Variants in STX8 observed in about 807,000 individuals in gnomAD.
STX8 encodes the protein syntaxin 8.
A neutral mutation model predicts 37.5 loss-of-function variants in STX8; 23 were observed. The observed-to-expected ratio is 0.61, with a 90% CI of 0.44 to 0.87. The LOEUF is 0.87. Among genes scored for constraint, STX8 ranks in the 40% least tolerant of loss-of-function variants. The probability of loss-of-function intolerance (pLI) is 0.00; values close to 1 mark genes in which losing one functional copy is unlikely to be tolerated. For synonymous variants in STX8, 115 were observed against 99.1 expected, an observed-to-expected ratio of 1.16 and a Z score of -0.95; for missense variants, 313 against 284.7, an observed-to-expected ratio of 1.10 and a Z score of -0.71.
At chr17:9,348,007 G>GGT (rs1041155610) in intron 7 of STX8, among the ~76,000 whole-genome samples, 4 of 152,080 alleles carry the variant, frequency 2.6e-5, no homozygotes, top group African/African-American at 7.2e-5. Context: ...TCCATTGTAT[G>GGT]GTGTGTGTGA....
chr17:9,561,256 A>C (rs908518009), intron 2 of STX8, among the ~76,000 whole-genome samples: 1 of 152,236 alleles, frequency 6.6e-6, no homozygotes, highest in Non-Finnish European at 1.5e-5. Context: ...AAACCGGTAC[A>C]TGTTTTACAA....
intron 6 of STX8, among the ~76,000 whole-genome samples, chr17:9,485,114 C>A (rs1407573928): frequency 8.1e-6 from 1 of 123,974 alleles, no homozygotes; most frequent in South Asian, 3.3e-4. Flanking sequence ...CATGCCAAGA[C>A]CTTGTCGCTT....
At chr17:9,338,202 C>T (rs923346822) in intron 7 of STX8, among the ~76,000 whole-genome samples, 8 of 151,860 alleles carry the variant, frequency 5.3e-5, no homozygotes, top group South Asian at 4.2e-4. Flanking sequence ...TACAGGTGCC[C>T]GCCACCACGC....
chr17:9,316,127 G>C (rs1006303663), intron 7 of STX8, among the ~76,000 whole-genome samples: 3 of 152,102 alleles, frequency 2.0e-5, no homozygotes, highest in South Asian at 2.1e-4. Flanking sequence ...CAAAGGACAC[G>C]TGATGACTTG....
chr17:9,473,160 G>A (rs905447722), intron 6 of STX8, among the ~76,000 whole-genome samples: 1 of 151,896 alleles, frequency 6.6e-6, no homozygotes, highest in African/African-American at 2.4e-5. Context: ...GGGACTACAG[G>A]TGCCCACCAC....
intron 7 of STX8, among the ~76,000 whole-genome samples, chr17:9,277,038 CTT>C (rs1040005797): frequency 6.6e-6 from 1 of 151,964 alleles, no homozygotes; most frequent in African/African-American, 2.4e-5. Context: ...ACCTTGAACT[CTT>C]GGGCTCAAAC....
At chr17:9,371,742 G>T (rs1232602612) in intron 7 of STX8, among the ~76,000 whole-genome samples, 2 of 151,226 alleles carry the variant, frequency 1.3e-5, no homozygotes, top group Non-Finnish European at 2.9e-5. Flanking sequence ...GTTATTTCTA[G>T]AAGTTCTATC....
Position 9,270,851 on chromosome 17 carries a change from T to A in STX8, c.644-20206A>T, listed in dbSNP as rs1907431136. On this transcript the variant is annotated intron_variant, in intron 7 of 7. Transcript: ENST00000306357. ...AATTCTAGGAGAATATGTTCTGTAT[T>A]TACTTTGCAATTAAATGAACAGAGT... 2.0e-5 allele frequency among the ~76,000 whole-genome samples: 3 copies of A among 152,236 alleles called. No homozygotes were observed. The South Asian group carries it at 6.2e-4, about 32-fold the overall frequency.
intron 7 of STX8, among the ~76,000 whole-genome samples, chr17:9,299,331 G>GT (rs1908680135): frequency 6.6e-6 from 1 of 151,720 alleles, no homozygotes; most frequent in Non-Finnish European, 1.5e-5. Context: ...GCCTTACTGT[G>GT]TCTGCATGTC....
At chr17:9,451,700 G>T (rs1329220524) in intron 6 of STX8, among the ~76,000 whole-genome samples, 3 of 151,912 alleles carry the variant, frequency 2.0e-5, no homozygotes, top group Non-Finnish European at 4.4e-5. Flanking sequence ...CAAGTTGCTA[G>T]ATTTTTCCAA....
chr17:9,350,950 T>G (rs899690065), intron 7 of STX8, among the ~76,000 whole-genome samples: 3 of 152,282 alleles, frequency 2.0e-5, no homozygotes, highest in Middle Eastern at 3.4e-3. Context: ...TTAGACATAT[T>G]AAAAATATTA....
chr17:9,464,853 G>C (rs1283034723), intron 6 of STX8: 1 of 151,802 alleles, frequency 6.6e-6, no homozygotes, highest in Non-Finnish European at 1.5e-5. Flanking sequence ...CTCCCGAGTA[G>C]CTGGGATTAC....
intron 4 of STX8, among the ~76,000 whole-genome samples, chr17:9,531,837 T>C (rs1905831284): frequency 1.3e-5 from 2 of 152,154 alleles, no homozygotes; most frequent in African/African-American, 4.8e-5. Context: ...TTTTTTAAAG[T>C]ACTATGACAG....
At chr17:9,456,068 G>A (rs1010166762) in intron 6 of STX8, among the ~76,000 whole-genome samples, 3 of 152,122 alleles carry the variant, frequency 2.0e-5, no homozygotes, top group Non-Finnish European at 4.4e-5. Flanking sequence ...CAGATCCTGG[G>A]AGGAATCCTA....
At position 9,570,484 on chromosome 17, in the gene STX8, T is replaced by G. The variant is rs550180731; in HGVS notation, c.18-2014A>C. 5.8e-4 allele frequency among the ~76,000 whole-genome samples: 88 copies of G among 152,134 alleles called. 1 individual carries two copies. Among genetic ancestry groups the G allele is most frequent in the African/African-American group, 2.0e-3 (82 of 41,516 alleles). On this transcript the variant is annotated intron_variant, in intron 1 of 7. Coordinates refer to ENST00000306357, the MANE Select transcript of STX8 (RefSeq NM_004853.3). ...TATATTCATATATATCACATACCTA[T>G]CGTTTATATCATATATACTATATAT...
intron 6 of STX8, among the ~76,000 whole-genome samples, chr17:9,483,009 T>C (rs73973777): frequency 0.036 from 5,547 of 152,218 alleles, 326 homozygotes; most frequent in African/African-American, 0.12. Context: ...AAAGGGTGGC[T>C]AACCTCAATT....
intron 4 of STX8, among the ~76,000 whole-genome samples, chr17:9,532,007 AATGACAT>A (rs1905837853): frequency 6.6e-6 from 1 of 152,150 alleles, no homozygotes; most frequent in African/African-American, 2.4e-5. Flanking sequence ...TGACTTGATC[AATGACAT>A]GGAGTTGCAA....
chr17:9,519,987 A>G (rs1410404560), intron 4 of STX8, among the ~76,000 whole-genome samples: 1 of 152,030 alleles, frequency 6.6e-6, no homozygotes, highest in Admixed American at 6.6e-5. Context: ...ATCAAGCGGG[A>G]TTGTAGTTAG....
intron 5 of STX8, among the ~76,000 whole-genome samples, chr17:9,494,644 TACAAA>T (rs1333124865): frequency 1.0e-5 from 1 of 99,568 alleles, no homozygotes; most frequent in Non-Finnish European, 2.1e-5. Context: ...AAAAAAAAGA[TACAAA>T]ACAAAGTATA....
Sources: allele counts gnomAD v4.1 joint callset (sites outside exome capture counted in the v4.1 genomes callset), GRCh38; gene constraint gnomAD v4.1.1; transcripts MANE v1.5; gene names NCBI Gene and HGNC (gene_info 2026-07-23, HGNC 2026-07-21).